Variants in VWCE observed in about 807,000 individuals in gnomAD.
The protein encoded by VWCE is von Willebrand factor C and EGF domains, also known as von Willebrand factor C and EGF domain-containing protein.
Under a neutral mutation model 102.9 loss-of-function variants are expected in VWCE, and 68 were observed. The ratio of observed to expected loss-of-function variants is 0.66; its 90% CI spans 0.54 to 0.81. The LOEUF (loss-of-function observed/expected upper bound fraction) is 0.81, where lower values mean the gene tolerates loss of function less well. Ranked by LOEUF, VWCE falls within the 30% of genes least tolerant of loss-of-function variation. The pLI is 0.00. For synonymous variants in VWCE, 497 were observed against 515.4 expected, an observed-to-expected ratio of 0.96 and a Z score of 0.48; for missense variants, 1,137 against 1,263.6, an observed-to-expected ratio of 0.90 and a Z score of 1.52.
intron 14 of VWCE, 107 bp downstream of exon 14, chr11:61,271,564 AGACT>A: frequency 1.0e-6 from 1 of 992,802 alleles, no homozygotes; most frequent in East Asian, 2.6e-5. Context: ...CACCGGAGGG[AGACT>A]GCGGCCAGCC....
intron 19 of VWCE, among the ~76,000 whole-genome samples, chr11:61,260,163 G>A (rs764878256): frequency 2.6e-5 from 4 of 152,184 alleles, no homozygotes; most frequent in African/African-American, 7.2e-5. Context: ...GCTGAGGCGC[G>A]AGAATCACTT....
chr11:61,258,330 G>A lies in VWCE; in HGVS notation c.*345C>T, dbSNP rs372584080. The A allele has an allele frequency of 8.0e-4, 151 of 189,002 alleles. 4 individuals are homozygous for A. In the East Asian group the frequency reaches 0.012, roughly 14 times the overall value. 11.7% of individuals were successfully genotyped at this position (189,002 alleles called of 1,614,324 possible). A position where few individuals can be genotyped will look rare whatever the true frequency, so the allele number is the denominator to read the frequency against. On this transcript the variant is annotated 3_prime_UTR_variant, in exon 20 of 20. Transcript: ENST00000335613. ...TTTAATCAGGAAACCTCAGAGAGAC[G>A]CATGACACCTGGCGGTACAGTCCCA...
At chr11:61,272,076 T>C (rs1021301433) in intron 13 of VWCE, among the ~76,000 whole-genome samples, 1 of 151,692 alleles carries the variant, frequency 6.6e-6, no homozygotes, top group Non-Finnish European at 1.5e-5. Context: ...CTGATACAAA[T>C]GTACATTTGC....
intron 1 of VWCE, among the ~76,000 whole-genome samples, chr11:61,293,198 G>C (rs1401436747): frequency 7.5e-6 from 1 of 132,810 alleles, no homozygotes; most frequent in Non-Finnish European, 1.5e-5. Flanking sequence ...CTGAGATCAC[G>C]CCACTGCACT....
chr11:61,294,975 G>T lies in VWCE; in HGVS notation c.63C>A (p.Ala21=). 1 of 1,474,364 alleles carries T rather than the reference G, an allele frequency of 6.8e-7. No homozygotes were observed. The highest frequency in any genetic ancestry group is 9.0e-7 in the Non-Finnish European group (1 of 1,114,228). 91.3% of individuals were successfully genotyped at this position (1,474,364 alleles called of 1,614,324 possible). Residue 21 remains alanine, a synonymous_variant, in exon 1 of 20, where the codon GCC becomes GCA. Coordinates refer to ENST00000335613, the MANE Select transcript of VWCE (RefSeq NM_152718.2). This position sits in a 1 kb window ranked among gnomAD's most constrained non-coding sequence, Gnocchi z 6.3. ...CVALLLPGAP[A]RGYTGRKPPG... ...GCGGCTTCCTCCCGGTGTAGCCTCGGGCTGGTGCCCCCGGCAGCAGGAGCG... is the reference window on the plus strand; with the variant it reads ...GCGGCTTCCTCCCGGTGTAGCCTCGTGCTGGTGCCCCCGGCAGCAGGAGCG...
chr11:61,291,277 C>G lies in VWCE; in HGVS notation c.282G>C (p.Gly94=). ...NVCSCQDGEQ[G]ATCPETHGPC... ...ATCCCCAGTTACCTGGGCAGGTGGCCCCTTGCTCTCCATCCTGGCAGGAGC... is the reference window on the plus strand; with the variant it reads ...ATCCCCAGTTACCTGGGCAGGTGGCGCCTTGCTCTCCATCCTGGCAGGAGC... The change falls in exon 3 of 20, where the codon GGG becomes GGC. Residue 94 remains glycine, a synonymous_variant. Coordinates refer to ENST00000335613, the MANE Select transcript of VWCE (RefSeq NM_152718.2). The G allele has an allele frequency of 6.3e-7, 1 of 1,589,190 alleles. No homozygotes were observed. Among genetic ancestry groups the G allele is most frequent in the Non-Finnish European group, 8.6e-7 (1 of 1,166,688 alleles).
At chr11:61,281,945 T>C (rs780380406) in intron 6 of VWCE, 31 bp from the exon 7 acceptor site, 2 of 1,601,476 alleles carry the variant, frequency 1.2e-6, no homozygotes, top group Non-Finnish European at 1.7e-6. Context: ...GGACAGCTGC[T>C]TTGTTTGGGC....
At chr11:61,290,288 G>C (rs1195892556) in intron 4 of VWCE, among the ~76,000 whole-genome samples, 1 of 152,134 alleles carries the variant, frequency 6.6e-6, no homozygotes, top group Non-Finnish European at 1.5e-5. Context: ...GAGGTGGGTG[G>C]ATCACCTGAG....
chr11:61,278,598 AGGAGTG>A, intron 9 of VWCE, 122 bp from the exon 10 acceptor site: 1 of 871,256 alleles, frequency 1.1e-6, no homozygotes, highest in South Asian at 1.6e-5. Context: ...TAGGTGTCCC[AGGAGTG>A]GTAGATTCAG....
chr11:61,286,242 G>T, intron 5 of VWCE, 72 bp downstream of exon 5: 1 of 1,428,084 alleles, frequency 7.0e-7, no homozygotes, highest in Non-Finnish European at 9.8e-7. Context: ...CACTGGGCAT[G>T]GCAGGGCTGA....
At chr11:61,274,695 A>C in intron 11 of VWCE, 111 bp from the exon 12 acceptor site, 2 of 796,786 alleles carry the variant, frequency 2.5e-6, no homozygotes, top group East Asian at 2.9e-5. Flanking sequence ...CACCCACAAC[A>C]CTCCACAGCA....
intron 7 of VWCE, 147 bp downstream of exon 7, chr11:61,281,639 C>T: frequency 9.9e-7 from 1 of 1,005,366 alleles, no homozygotes; most frequent in Non-Finnish European, 1.3e-6. Flanking sequence ...TGGGCGGGGC[C>T]GGGGTAGGGC....
rs151252477 is a variant in VWCE at position 61,264,962 on chromosome 11, C to T, written c.2133G>A (p.Thr711=). 1,645 of 1,613,798 alleles carry T rather than the reference C, an allele frequency of 1.0e-3. 3 individuals carry two copies. Among genetic ancestry groups the T allele is most frequent in the Non-Finnish European group, 1.3e-3 (1,591 of 1,180,044 alleles). The change falls in exon 18 of 20, where the codon ACG becomes ACA. Residue 711 remains threonine (T), a synonymous_variant. Coordinates refer to ENST00000335613, the MANE Select transcript of VWCE (RefSeq NM_152718.2). Reference sequence around the variant, plus strand: ...GTTCCCAGGCCCAGCTCACCTGGCACGTGCACCGGGTGCAGGGTTCATCAT... The same window carrying T: ...GTTCCCAGGCCCAGCTCACCTGGCATGTGCACCGGGTGCAGGGTTCATCAT... ...TLDDEPCTRC[T]CQLGEVSCEK...
chr11:61,292,717 C>T (rs1855543460), intron 1 of VWCE, among the ~76,000 whole-genome samples: 1 of 152,134 alleles, frequency 6.6e-6, no homozygotes, highest in African/African-American at 2.4e-5. Flanking sequence ...ACTGCCCCCA[C>T]CTTCAAGGAA....
At chr11:61,282,659 G>A (rs73490310) in intron 6 of VWCE, 130 bp downstream of exon 6, 24,386 of 746,680 alleles carry the variant, frequency 0.033, 2,952 homozygotes, top group African/African-American at 0.31. Flanking sequence ...CTGAGCCAAA[G>A]GCTCAAGCCC....
At chr11:61,283,556 C>T (rs963433289) in intron 5 of VWCE, among the ~76,000 whole-genome samples, 3 of 152,198 alleles carry the variant, frequency 2.0e-5, no homozygotes, top group African/African-American at 4.8e-5. Flanking sequence ...GGATTACAGG[C>T]ATGCACCACC....
intron 10 of VWCE, among the ~76,000 whole-genome samples, 162 bp downstream of exon 10, chr11:61,278,232 C>A (rs1170323650): frequency 5.9e-5 from 9 of 152,190 alleles, no homozygotes; most frequent in Non-Finnish European, 4.4e-5. Flanking sequence ...ACACTTCCCT[C>A]CCCCTTTTAA....
At chr11:61,271,799 C>T (rs1362302036) in intron 13 of VWCE, 39 bp from the exon 14 acceptor site, 5 of 1,586,394 alleles carry the variant, frequency 3.2e-6, no homozygotes, top group Non-Finnish European at 4.3e-6. Context: ...CGGCACAAGA[C>T]CTAGACTACA....
At chr11:61,279,855 A>G (rs913161338) in intron 9 of VWCE, among the ~76,000 whole-genome samples, 1 of 152,036 alleles carries the variant, frequency 6.6e-6, no homozygotes, top group African/African-American at 2.4e-5. Context: ...TCTCCCAGGC[A>G]GGTAAGATTA....
Sources: gnomAD v4.1 joint callset for allele counts (sites outside exome capture counted in the v4.1 genomes callset) on GRCh38, gnomAD v4.1.1 for gene constraint, Gnocchi (gnomAD v3.1) non-coding constraint, MANE v1.5 for transcripts, NCBI Gene and HGNC (gene_info 2026-07-23, HGNC 2026-07-21) for gene names.